Variants in NEBL observed in about 807,000 individuals in gnomAD.
NEBL encodes the protein LIM and SH3 protein 2.
Under a neutral mutation model 140.2 loss-of-function variants are expected in NEBL, and 122 were observed. The observed-to-expected ratio is 0.87, with a 90% confidence interval of 0.75 to 1.01. The LOEUF is 1.01. Among genes scored for constraint, NEBL ranks in the 50% least tolerant of loss-of-function variants. The probability of loss-of-function intolerance (pLI) is 0.00; values close to 1 mark genes in which losing one functional copy is unlikely to be tolerated. For synonymous variants in NEBL, 436 were observed against 398.9 expected (o/e 1.09, Z -1.11); for missense variants, 1,365 against 1,231.3 (o/e 1.11, Z -1.62).
At chr10:20,921,471 C>T (rs1833573750) in intron 4 of NEBL, among the ~76,000 whole-genome samples, 1 of 152,118 alleles carries the variant, frequency 6.6e-6, no homozygotes, top group South Asian at 2.1e-4. Flanking sequence ...CTTCCTCACA[C>T]CCTCCCTTCT....
intron 4 of NEBL, among the ~76,000 whole-genome samples, chr10:20,908,779 A>T (rs1440897616): frequency 6.6e-6 from 1 of 152,196 alleles, no homozygotes; most frequent in Non-Finnish European, 1.5e-5. Context: ...CCTATATCTA[A>T]TGTTAAATGG....
chr10:20,835,370 T>C (rs984811222), intron 14 of NEBL, 143 bp downstream of exon 14: 16 of 761,638 alleles, frequency 2.1e-5, no homozygotes, highest in Admixed American at 1.1e-4. Flanking sequence ...CAAACTGGCA[T>C]AATGCTTCGG....
intron 1 of NEBL, among the ~76,000 whole-genome samples, chr10:21,279,224 T>C (rs1223575898): frequency 6.6e-6 from 1 of 151,820 alleles, no homozygotes; most frequent in Non-Finnish European, 1.5e-5. Context: ...TATTTATGGA[T>C]GCCAAGATTT....
At chr10:21,274,406 C>T (rs562509529) in intron 1 of NEBL, among the ~76,000 whole-genome samples, 8 of 152,136 alleles carry the variant, frequency 5.3e-5, no homozygotes, top group Non-Finnish European at 7.4e-5. Context: ...TTATACACTG[C>T]GTTTTATTTA....
intron 1 of NEBL, among the ~76,000 whole-genome samples, chr10:21,285,667 T>C (rs986230433): frequency 6.6e-6 from 1 of 152,238 alleles, no homozygotes; most frequent in Non-Finnish European, 1.5e-5. Flanking sequence ...CTGTCTTGAA[T>C]TTTTGGGCTT....
At chr10:20,830,912 T>TAAAAAAAAAA (rs371760760) in intron 16 of NEBL, among the ~76,000 whole-genome samples, 1 of 92,368 alleles carries the variant, frequency 1.1e-5, no homozygotes, top group Non-Finnish European at 2.1e-5. Context: ...CTCTAAAATT[T>TAAAAAAAAAA]AAAAAAAAAA....
At chr10:20,879,947 G>A (rs569090585) in intron 5 of NEBL, among the ~76,000 whole-genome samples, 8 of 152,318 alleles carry the variant, frequency 5.3e-5, no homozygotes, top group African/African-American at 1.7e-4. Context: ...TACCAAAAAA[G>A]AAACTGATTT....
intron 3 of NEBL, among the ~76,000 whole-genome samples, chr10:21,019,379 C>T (rs1432668488): frequency 6.6e-6 from 1 of 152,256 alleles, no homozygotes; most frequent in African/African-American, 2.4e-5. Flanking sequence ...CCTGCCTCCA[C>T]CTTCCTTCTC....
rs533665910 is a variant in NEBL at position 21,250,138 on chromosome 10, G to A, written n.279+1594C>T. Reference sequence around the variant, plus strand: ...TGAGTGTCAACTTGATTGGATTGAAGGATACAAAGTATTGATCCTTGGTGT... The same window carrying A: ...TGAGTGTCAACTTGATTGGATTGAAAGATACAAAGTATTGATCCTTGGTGT... On this transcript the variant is annotated intron_variant and non_coding_transcript_variant, in intron 2 of 8. Transcript: ENST00000675702. Among the ~76,000 whole-genome samples, 6 of 152,274 alleles carry A rather than the reference G, an allele frequency of 3.9e-5. No individual in the cohort carries two copies. In the South Asian group the frequency reaches 1.0e-3, roughly 26 times the overall value.
intron 3 of NEBL, among the ~76,000 whole-genome samples, chr10:21,183,429 G>A (rs1841415827): frequency 6.6e-6 from 1 of 152,104 alleles, no homozygotes; most frequent in Non-Finnish European, 1.5e-5. Context: ...GGACCTCTCA[G>A]CAAACTTAAC....
rs1303442147 is a variant in NEBL, at chr10:20,880,731, CA to C, written c.480+62del. ...AATGTTTAAATTTCAGCAAAATAAA[CA>C]TAAGCCCTAATATGACTTAACTACA... On this transcript the variant is annotated intron_variant, in intron 5 of 27. Transcript: ENST00000377122. 3.3e-6 allele frequency: 4 copies of C among 1,207,222 alleles called. No homozygotes were observed. The African/African-American group carries it at 6.0e-5, about 18-fold the overall frequency. The allele number at this position is 1,207,222 out of a possible 1,614,324, so 74.8% of individuals were successfully genotyped here.
At chr10:21,180,069 G>A (rs1841363301) in intron 3 of NEBL, among the ~76,000 whole-genome samples, 1 of 152,082 alleles carries the variant, frequency 6.6e-6, no homozygotes, top group African/African-American at 2.4e-5. Flanking sequence ...CCTGGGAGGT[G>A]GAGGTTGCAG....
At chr10:20,805,300 C>A (rs1000025943) in intron 26 of NEBL, among the ~76,000 whole-genome samples, 3 of 152,090 alleles carry the variant, frequency 2.0e-5, no homozygotes, top group Non-Finnish European at 4.4e-5. Flanking sequence ...ACATCAGGTG[C>A]CAATTGGTAG....
intron 1 of NEBL, among the ~76,000 whole-genome samples, chr10:21,280,236 T>C (rs1842975829): frequency 6.6e-6 from 1 of 152,130 alleles, no homozygotes; most frequent in African/African-American, 2.4e-5. Flanking sequence ...CGAAGTCACA[T>C]GACCATCTCT....
In NEBL at chr10:21,165,469, T is replaced by C. The variant is rs1476725095; in HGVS notation, c.164+6914A>G. Among the ~76,000 whole-genome samples, 4 of 152,194 alleles carry C rather than the reference T, an allele frequency of 2.6e-5. No individual in the cohort carries two copies. In the East Asian group the frequency reaches 7.7e-4, roughly 29 times the overall value. On this transcript the variant is annotated intron_variant, in intron 2 of 6. Transcript: ENST00000417816. ...GTTCTTCTGGATCATGCAAGCTCTGTCTGCCTTCCCAAAAGAAACTAGCCT... is the reference window on the plus strand; with the variant it reads ...GTTCTTCTGGATCATGCAAGCTCTGCCTGCCTTCCCAAAAGAAACTAGCCT...
At chr10:21,060,402 G>A (rs74122629) in intron 2 of NEBL, among the ~76,000 whole-genome samples, 69 of 152,282 alleles carry the variant, frequency 4.5e-4, no homozygotes, top group African/African-American at 1.7e-3. Context: ...AGATTACCTG[G>A]AATGGTGGTT....
At chr10:21,097,874 T>G (rs1837267949) in intron 2 of NEBL, among the ~76,000 whole-genome samples, 1 of 152,162 alleles carries the variant, frequency 6.6e-6, no homozygotes, top group Non-Finnish European at 1.5e-5. Flanking sequence ...AGAAAGACTC[T>G]AGTAGCACAA....
intron 2 of NEBL, among the ~76,000 whole-genome samples, chr10:21,069,591 C>A (rs369570236): frequency 1.3e-5 from 2 of 152,212 alleles, no homozygotes; most frequent in South Asian, 2.1e-4. Flanking sequence ...ATCTCTTCAT[C>A]CTTCCACATT....
chr10:21,183,369 C>T (rs114870522), intron 3 of NEBL, among the ~76,000 whole-genome samples: 6 of 152,054 alleles, frequency 3.9e-5, no homozygotes, highest in African/African-American at 1.2e-4. Flanking sequence ...AGAGCCGCAA[C>T]CACAGGACAA....
Sources: gnomAD v4.1 joint callset for allele counts (sites outside exome capture counted in the v4.1 genomes callset) on GRCh38, gnomAD v4.1.1 for gene constraint, MANE v1.5 for transcripts, NCBI Gene and HGNC (gene_info 2026-07-23, HGNC 2026-07-21) for gene names.